Variants in CAMKK2 observed in about 807,000 individuals in gnomAD.
CAMKK2 encodes calcium/calmodulin-dependent protein kinase kinase 2.
CAMKK2 carries 30 observed loss-of-function variants against 67.2 expected under a neutral mutation model. The observed-to-expected ratio is 0.45, with a 90% CI of 0.33 to 0.61. The LOEUF (loss-of-function observed/expected upper bound fraction) is 0.61, where lower values mean the gene tolerates loss of function less well. CAMKK2 is among the 20% of genes least tolerant of loss of function. CAMKK2 has a pLI of 0.02. For missense variants in CAMKK2, 643 were observed against 802.0 expected, an observed-to-expected ratio of 0.80 and a Z score of 2.39; for synonymous variants, 322 against 326.2, an observed-to-expected ratio of 0.99 and a Z score of 0.14.
intron 1 of CAMKK2, among the ~76,000 whole-genome samples, chr12:121,275,834 T>C (rs1295847094): frequency 6.6e-6 from 1 of 152,104 alleles, no homozygotes; most frequent in East Asian, 1.9e-4. Context: ...CACTTCAAAA[T>C]GGCCAACTTA....
intron 1 of CAMKK2, among the ~76,000 whole-genome samples, chr12:121,291,785 T>C (rs919146517): frequency 6.6e-6 from 1 of 151,106 alleles, no homozygotes; most frequent in South Asian, 2.1e-4. Flanking sequence ...GGGCTGGGCA[T>C]GGTGGCTCAC....
intron 1 of CAMKK2, among the ~76,000 whole-genome samples, chr12:121,278,521 G>A (rs749590791): frequency 6.6e-6 from 1 of 152,182 alleles, no homozygotes; most frequent in Admixed American, 6.5e-5. Context: ...GTTGTGGGAG[G>A]GACCCAGTGG....
rs866117676 is a variant in CAMKK2 at position 121,263,654 on chromosome 12, G to A, written c.759+152C>T. 171 of 546,228 alleles carry A rather than the reference G, an allele frequency of 3.1e-4. 1 individual carries two copies. The Middle Eastern group carries it at 3.7e-3, about 12-fold the overall frequency. The allele number at this position is 546,228 out of a possible 1,614,324, so 33.8% of individuals were successfully genotyped here. A position where few individuals can be genotyped will look rare whatever the true frequency, so the allele number is the denominator to read the frequency against. ...AGAAGAGAAAAAATAGTTAATGTGA[G>A]TAACAAATACTCTTAGGGAGCAGTA... On this transcript the variant is annotated intron_variant, in intron 6 of 16. Transcript: ENST00000404169.
intron 6 of CAMKK2, among the ~76,000 whole-genome samples, chr12:121,262,712 C>T (rs367714417): frequency 4.1e-4 from 63 of 152,042 alleles, no homozygotes; most frequent in African/African-American, 1.5e-3. Flanking sequence ...GCGTGCACCA[C>T]CATACCGGGC....
intron 2 of CAMKK2, among the ~76,000 whole-genome samples, chr12:121,271,814 TCTC>T (rs1168014944): frequency 1.3e-5 from 2 of 152,124 alleles, no homozygotes; most frequent in African/African-American, 2.4e-5. Context: ...TTCAAGCAAT[TCTC>T]CTGCCTCAGC....
At chr12:121,264,071 A>T (rs922411826) in intron 5 of CAMKK2, 132 bp from the exon 6 acceptor site, 38 of 821,324 alleles carry the variant, frequency 4.6e-5, no homozygotes, top group Non-Finnish European at 5.9e-5. Flanking sequence ...TGCTGCCACC[A>T]GGGGCTTTAA....
In CAMKK2 at chr12:121,274,203, C is replaced by T; in HGVS notation, c.324G>A (p.Gly108=). The change falls in exon 2 of 17, where the codon GGG becomes GGA. Residue 108 remains glycine, a synonymous_variant. Coordinates refer to ENST00000404169, the MANE Select transcript of CAMKK2 (RefSeq NM_001270485.2). ...TGTCCAGGCTGCCACCGGCTGCCAG[C>T]CCACCCTGGGACCGCTCTTGCAGAG... ...KLSLQERSQG[G]LAAGGSLDMN... is the part of the protein sequence containing the mutation. The T allele has an allele frequency of 6.2e-7, 1 of 1,602,262 alleles. No individual in the cohort carries two copies. The highest frequency in any genetic ancestry group is 8.5e-7 in the Non-Finnish European group (1 of 1,172,424).
intron 1 of CAMKK2, among the ~76,000 whole-genome samples, chr12:121,288,276 C>T (rs1899179345): frequency 1.3e-5 from 2 of 152,172 alleles, no homozygotes; most frequent in South Asian, 2.1e-4. Context: ...ATGGAGAGGG[C>T]CAGCTCGAAA....
intron 9 of CAMKK2, among the ~76,000 whole-genome samples, chr12:121,254,391 G>A (rs1891431203): frequency 6.6e-6 from 1 of 152,128 alleles, no homozygotes; most frequent in South Asian, 2.1e-4. Flanking sequence ...CCAGGAGGCA[G>A]AGGTTGCAGT....
chr12:121,255,646 G>T lies in CAMKK2; in HGVS notation c.819-8C>A, dbSNP rs1229717844. 1.6e-5 allele frequency: 26 copies of T among 1,612,232 alleles called. No homozygotes were observed. The highest frequency in any genetic ancestry group is 2.2e-5 in the Non-Finnish European group (26 of 1,179,268). ...GGCACTTCCATCACGGGCCTGAAAG[G>T]TCGACACTCATGTGAAACACAAAGC... is the stretch of plus-strand genomic sequence containing the variant. On this transcript the variant is annotated splice_polypyrimidine_tract_variant and splice_region_variant and intron_variant, in intron 8 of 16. Coordinates refer to ENST00000404169, the MANE Select transcript of CAMKK2 (RefSeq NM_001270485.2).
At position 121,244,625 on chromosome 12, in the gene CAMKK2, CCA is replaced by C; in HGVS notation, c.1554-12_1554-11del. 1 of 1,560,188 alleles carries C rather than the reference CCA, an allele frequency of 6.4e-7. No homozygotes were observed. Among genetic ancestry groups the C allele is most frequent in the Non-Finnish European group, 8.7e-7 (1 of 1,151,414 alleles). ...CCTGGTTGGTTTTTTGCTGGAATCA[CCA>C]GAGGGAGGGAAAAGGGAAGTGAGAA... On this transcript the variant is annotated splice_polypyrimidine_tract_variant and intron_variant, in intron 15 of 16. Transcript: ENST00000404169.
chr12:121,287,135 G>A (rs1046594540), intron 1 of CAMKK2, among the ~76,000 whole-genome samples: 2 of 151,988 alleles, frequency 1.3e-5, no homozygotes, highest in Non-Finnish European at 2.9e-5. Flanking sequence ...CAAACTCCTG[G>A]GCTCAAGTGA....
At chr12:121,282,132 C>G (rs1288783273) in intron 1 of CAMKK2, among the ~76,000 whole-genome samples, 2 of 152,074 alleles carry the variant, frequency 1.3e-5, no homozygotes, top group Non-Finnish European at 2.9e-5. Flanking sequence ...ACTAAAGGAG[C>G]AGGAACTTGT....
intron 5 of CAMKK2, among the ~76,000 whole-genome samples, chr12:121,264,647 G>A (rs901834963): frequency 5.3e-5 from 8 of 152,090 alleles, no homozygotes; most frequent in African/African-American, 1.7e-4. Flanking sequence ...GGTGGTGGGC[G>A]CCTGTAGTCC....
intron 2 of CAMKK2, among the ~76,000 whole-genome samples, chr12:121,273,244 A>G (rs1426060538): frequency 6.6e-6 from 1 of 152,036 alleles, no homozygotes; most frequent in African/African-American, 2.4e-5. Flanking sequence ...CATTATCGGA[A>G]TAGGCCTTAC....
At chr12:121,261,130 G>C (rs1893369100) in intron 6 of CAMKK2, among the ~76,000 whole-genome samples, 1 of 151,914 alleles carries the variant, frequency 6.6e-6, no homozygotes, top group Admixed American at 6.6e-5. Context: ...TCTCCAAAGG[G>C]CAGGCATCAG....
At chr12:121,242,908 A>G (rs1888658939) in intron 16 of CAMKK2, among the ~76,000 whole-genome samples, 1 of 150,782 alleles carries the variant, frequency 6.6e-6, no homozygotes, top group African/African-American at 2.4e-5. Context: ...GCGCCCGGCT[A>G]ATTTTTTGTA....
rs79973864 is a variant in CAMKK2, at chr12:121,294,868, C to T, written c.-60+1770G>A. Among the ~76,000 whole-genome samples, 835 of 152,256 alleles carry T rather than the reference C, an allele frequency of 5.5e-3. 10 individuals are homozygous for T. Among genetic ancestry groups the T allele is most frequent in the African/African-American group, 0.019 (790 of 41,530 alleles). On this transcript the variant is annotated intron_variant, in intron 1 of 16. Coordinates refer to ENST00000404169, the MANE Select transcript of CAMKK2 (RefSeq NM_001270485.2). ...ACTCAATAGATGTTAGTTTTTAATA[C>T]TGTTATTATTATTATTGTCCAGGGC...
chr12:121,255,038 T>A (rs73222413), intron 9 of CAMKK2, among the ~76,000 whole-genome samples: 13,725 of 149,644 alleles, frequency 0.092, 897 homozygotes, highest in Non-Finnish European at 0.13. Context: ...CCAGCCTATG[T>A]TTTTTTCCTA....
Sources: allele counts gnomAD v4.1 joint callset (sites outside exome capture counted in the v4.1 genomes callset), GRCh38; gene constraint gnomAD v4.1.1; transcripts MANE v1.5; gene names NCBI Gene and HGNC (gene_info 2026-07-23, HGNC 2026-07-21).